Variants in PTPRK observed in about 807,000 individuals in gnomAD.
PTPRK encodes the protein protein tyrosine phosphatase receptor type K, also known as receptor-type tyrosine-protein phosphatase kappa.
In PTPRK, 75 loss-of-function variants were observed where a neutral mutation model predicts 178.0. That is an observed-to-expected ratio of 0.42 (90% confidence interval 0.35 to 0.51). The LOEUF is 0.51. Ranked by LOEUF, PTPRK falls within the 20% of genes least tolerant of loss-of-function variation. The probability of loss-of-function intolerance (pLI) is 0.02; values close to 1 mark genes in which losing one functional copy is unlikely to be tolerated. For synonymous variants in PTPRK, 637 were observed against 620.6 expected, an observed-to-expected ratio of 1.03 and a Z score of -0.39; for missense variants, 1,441 against 1,797.8, an observed-to-expected ratio of 0.80 and a Z score of 3.59.
intron 5 of PTPRK, among the ~76,000 whole-genome samples, chr6:128,224,891 CA>C (rs1554354867): frequency 1.3e-5 from 2 of 152,112 alleles, no homozygotes; most frequent in Non-Finnish European, 2.9e-5. Flanking sequence ...GCATATCAGG[CA>C]GAGAGACAGA....
chr6:128,075,653 C>T (rs189368575), intron 11 of PTPRK, among the ~76,000 whole-genome samples: 33 of 152,148 alleles, frequency 2.2e-4, no homozygotes, highest in Admixed American at 8.5e-4. Context: ...AAGTATGCAG[C>T]TCAGCTCTTG....
At chr6:128,173,967 T>C (rs1405058955) in intron 7 of PTPRK, among the ~76,000 whole-genome samples, 1 of 151,984 alleles carries the variant, frequency 6.6e-6, no homozygotes, top group African/African-American at 2.4e-5. Context: ...AATATTTTAA[T>C]GTATTAATTA....
At chr6:128,479,697 T>C (rs942335925) in intron 1 of PTPRK, among the ~76,000 whole-genome samples, 4 of 152,120 alleles carry the variant, frequency 2.6e-5, no homozygotes, top group Non-Finnish European at 5.9e-5. Flanking sequence ...AGGGGATAGT[T>C]AATTGCTCGT....
chr6:128,053,211 T>TATTC (rs1779343480), intron 13 of PTPRK, among the ~76,000 whole-genome samples: 1 of 151,476 alleles, frequency 6.6e-6, no homozygotes, highest in African/African-American at 2.4e-5. Context: ...CACCTGTGTT[T>TATTC]TTTAACTTTC....
chr6:127,995,125 G>T, intron 18 of PTPRK: 1 of 956,342 alleles, frequency 1.0e-6, no homozygotes, highest in Non-Finnish European at 1.6e-6. Context: ...GAGATATATT[G>T]TATGAAGCTA....
At chr6:128,432,939 TTAAA>T (rs1845027788) in intron 1 of PTPRK, among the ~76,000 whole-genome samples, 1 of 152,204 alleles carries the variant, frequency 6.6e-6, no homozygotes, top group African/African-American at 2.4e-5. Context: ...TAATATTAGT[TTAAA>T]TATTTTATCC....
chr6:128,088,111 C>A (rs1051281981), intron 8 of PTPRK, among the ~76,000 whole-genome samples: 5 of 152,106 alleles, frequency 3.3e-5, no homozygotes, highest in Admixed American at 2.6e-4. Flanking sequence ...GGCACAGTGG[C>A]TCACGCCTGT....
intron 7 of PTPRK, among the ~76,000 whole-genome samples, chr6:128,180,724 A>G (rs1368634754): frequency 4.6e-5 from 7 of 152,122 alleles, no homozygotes; most frequent in African/African-American, 1.7e-4. Context: ...GCACTAATCA[A>G]TTGGGCTTTC....
chr6:127,979,057 C>G (rs1486171397), intron 25 of PTPRK, among the ~76,000 whole-genome samples: 1 of 151,970 alleles, frequency 6.6e-6, no homozygotes, highest in Non-Finnish European at 1.5e-5. Flanking sequence ...CTTCAACTTT[C>G]ATACAGAAAA....
At chr6:128,492,420 T>G (rs1562632238) in intron 1 of PTPRK, among the ~76,000 whole-genome samples, 2 of 152,170 alleles carry the variant, frequency 1.3e-5, no homozygotes, top group Non-Finnish European at 2.9e-5. Flanking sequence ...CTCAAAATTT[T>G]CAAGAGAACC....
At chr6:128,437,875 G>A (rs1448012806) in intron 1 of PTPRK, among the ~76,000 whole-genome samples, 1 of 152,236 alleles carries the variant, frequency 6.6e-6, no homozygotes, top group Non-Finnish European at 1.5e-5. Flanking sequence ...GCGATTCCCA[G>A]AAGGGCAGGG....
chr6:128,079,559 T>A (rs1784441845), intron 10 of PTPRK, among the ~76,000 whole-genome samples: 1 of 152,008 alleles, frequency 6.6e-6, no homozygotes, highest in Non-Finnish European at 1.5e-5. Flanking sequence ...GACTAGGATC[T>A]TGAGGGGGAA....
intron 2 of PTPRK, among the ~76,000 whole-genome samples, chr6:128,362,646 C>T (rs1455223898): frequency 6.6e-6 from 1 of 152,106 alleles, no homozygotes. Flanking sequence ...AAAAGAAATC[C>T]TAGTTTTCAC....
At chr6:128,085,586 A>G (rs560446396) in intron 8 of PTPRK, among the ~76,000 whole-genome samples, 1 of 152,364 alleles carries the variant, frequency 6.6e-6, no homozygotes, top group East Asian at 1.9e-4. Flanking sequence ...AAATACCATA[A>G]AATGGCATAG....
At chr6:128,089,579 G>C (rs1786566139) in intron 8 of PTPRK, 111 bp downstream of exon 8, 1 of 1,155,830 alleles carries the variant, frequency 8.7e-7, no homozygotes, top group East Asian at 2.4e-5. Flanking sequence ...ATAACATTTA[G>C]ATGATTTCAG....
chr6:128,349,192 C>T (rs75209500), intron 2 of PTPRK, among the ~76,000 whole-genome samples: 15 of 152,202 alleles, frequency 9.9e-5, no homozygotes, highest in South Asian at 8.3e-4. Context: ...GGAAAATAAA[C>T]TATAGCAAAC....
intron 3 of PTPRK, among the ~76,000 whole-genome samples, chr6:128,306,057 T>C (rs1242215463): frequency 6.6e-6 from 1 of 152,190 alleles, no homozygotes; most frequent in East Asian, 1.9e-4. Context: ...ACTCACTCAC[T>C]ATCACAAGAA....
At chr6:128,144,520 A>G (rs1025215648) in intron 7 of PTPRK, among the ~76,000 whole-genome samples, 1 of 152,166 alleles carries the variant, frequency 6.6e-6, no homozygotes, top group Admixed American at 6.5e-5. Context: ...TCACTTCAGT[A>G]ATCACCTCAG....
chr6:128,064,837 T>A (rs1781481925), intron 12 of PTPRK, 43 bp from the exon 13 acceptor site: 2 of 1,535,300 alleles, frequency 1.3e-6, no homozygotes, highest in Non-Finnish European at 1.7e-6. Flanking sequence ...AATGTACAGA[T>A]AATGTTTCCT....
Sources: allele counts gnomAD v4.1 joint callset (sites outside exome capture counted in the v4.1 genomes callset), GRCh38; gene constraint gnomAD v4.1.1; transcripts MANE v1.5; gene names NCBI Gene and HGNC (gene_info 2026-07-23, HGNC 2026-07-21).